ARHGEF26: variants seen among roughly 807,000 people sequenced by gnomAD.
ARHGEF26 encodes the protein Rho guanine nucleotide exchange factor (GEF) 26.
In ARHGEF26, 59 loss-of-function variants were observed where a neutral mutation model predicts 89.4. That is an observed-to-expected ratio of 0.66 (90% CI 0.54 to 0.82). The LOEUF (loss-of-function observed/expected upper bound fraction) is 0.82, where lower values mean the gene tolerates loss of function less well. Among genes scored for constraint, ARHGEF26 ranks in the 40% least tolerant of loss-of-function variants. The pLI is 0.00. For synonymous variants in ARHGEF26, 500 were observed against 428.4 expected (o/e 1.17, Z -2.06); for missense variants, 1,234 against 1,085.6 (o/e 1.14, Z -1.92).
chr3:154,171,946 C>G (rs945088961), intron 6 of ARHGEF26, among the ~76,000 whole-genome samples: 1 of 152,076 alleles, frequency 6.6e-6, no homozygotes. Context: ...TATGTGTGCT[C>G]TAGAAGGCAA....
At chr3:154,199,803 C>T (rs901056501) in intron 9 of ARHGEF26, among the ~76,000 whole-genome samples, 9 of 152,054 alleles carry the variant, frequency 5.9e-5, no homozygotes, top group African/African-American at 2.2e-4. Context: ...ATTTGCATCT[C>T]GCTAATGATC....
rs1304859561 is a variant in ARHGEF26 at position 154,122,805 on chromosome 3, C to G, written c.813C>G (p.Pro271=). The change falls in exon 2 of 15, where the codon CCC becomes CCG. Residue 271 remains proline, a synonymous_variant. Coordinates refer to ENST00000465093, the MANE Select transcript of ARHGEF26 (RefSeq NM_015595.4). ...ISKSNNQNVE[P]HKRLLKVRSM... ...AATCCAACAATCAAAATGTGGAGCC[C>G]CACAAGAGACTCCTCAAGGTGCGCA... The G allele has an allele frequency of 1.2e-6, 2 of 1,611,690 alleles. No individual in the cohort carries two copies. The highest frequency in any genetic ancestry group is 2.7e-5 in the African/African-American group (2 of 74,876).
intron 3 of ARHGEF26, 75 bp from the exon 4 acceptor site, chr3:154,129,499 A>G: frequency 2.0e-6 from 3 of 1,491,734 alleles, no homozygotes; most frequent in Non-Finnish European, 1.8e-6. Flanking sequence ...CATTGGGTAC[A>G]TATGATGTTT....
intron 12 of ARHGEF26, among the ~76,000 whole-genome samples, chr3:154,248,299 C>T (rs1717918014): frequency 6.6e-6 from 1 of 152,152 alleles, no homozygotes; most frequent in African/African-American, 2.4e-5. Context: ...AATTCCTGGG[C>T]CTCCTGATAA....
At chr3:154,220,968 G>C (rs953973011) in intron 10 of ARHGEF26, among the ~76,000 whole-genome samples, 1 of 151,934 alleles carries the variant, frequency 6.6e-6, no homozygotes, top group Admixed American at 6.6e-5. Flanking sequence ...AATGATAAGA[G>C]AAGACCCACT....
chr3:154,246,754 G>A (rs1421926577), intron 12 of ARHGEF26, among the ~76,000 whole-genome samples: 1 of 152,200 alleles, frequency 6.6e-6, no homozygotes, highest in Non-Finnish European at 1.5e-5. Flanking sequence ...TGATATGTAG[G>A]AGGAGATAGA....
At position 154,172,269 on chromosome 3, in the gene ARHGEF26, A is replaced by G. The variant is rs1442873415; in HGVS notation, c.1488-15416A>G. Reference sequence around the variant, plus strand: ...GAAGTGAAAAGTGAAGGGGAGGTAGAGCACTTCAGTAAATGCAGTAGATGC... The same window carrying G: ...GAAGTGAAAAGTGAAGGGGAGGTAGGGCACTTCAGTAAATGCAGTAGATGC... On this transcript the variant is annotated intron_variant, in intron 6 of 14. Transcript: ENST00000465093. Among the ~76,000 whole-genome samples, 3 of 152,246 alleles carry G rather than the reference A, an allele frequency of 2.0e-5. No homozygotes were observed. The East Asian group carries it at 5.8e-4, about 29-fold the overall frequency.
intron 9 of ARHGEF26, among the ~76,000 whole-genome samples, chr3:154,196,295 G>T (rs1415788476): frequency 6.6e-6 from 1 of 152,104 alleles, no homozygotes; most frequent in Non-Finnish European, 1.5e-5. Flanking sequence ...TGTAGGTAGG[G>T]TTAGCTACTG....
At chr3:154,154,111 A>G (rs1720185892) in intron 6 of ARHGEF26, among the ~76,000 whole-genome samples, 1 of 152,156 alleles carries the variant, frequency 6.6e-6, no homozygotes, top group African/African-American at 2.4e-5. Context: ...AGGTACATCC[A>G]TCTATTCATA....
chr3:154,156,156 GAAAC>G (rs897268636), intron 6 of ARHGEF26, among the ~76,000 whole-genome samples: 4 of 151,954 alleles, frequency 2.6e-5, no homozygotes, highest in Non-Finnish European at 1.5e-5. Context: ...AAGGAAATGA[GAAAC>G]AAGCAGTAAG....
chr3:154,155,014 C>G (rs1294221122), intron 6 of ARHGEF26, among the ~76,000 whole-genome samples: 2 of 151,834 alleles, frequency 1.3e-5, no homozygotes, highest in African/African-American at 2.4e-5. Context: ...AGAAATTGTA[C>G]CATTTTGCAG....
At chr3:154,127,655 G>A (rs1206744697) in intron 3 of ARHGEF26, among the ~76,000 whole-genome samples, 6 of 145,340 alleles carry the variant, frequency 4.1e-5, no homozygotes, top group Non-Finnish European at 9.0e-5. Context: ...ATGATAAAAA[G>A]CATGGTATAG....
At chr3:154,155,488 T>G (rs1407553160) in intron 6 of ARHGEF26, among the ~76,000 whole-genome samples, 1 of 152,010 alleles carries the variant, frequency 6.6e-6, no homozygotes, top group Non-Finnish European at 1.5e-5. Flanking sequence ...TTAGAAGCTG[T>G]TAGAGGCATC....
intron 10 of ARHGEF26, among the ~76,000 whole-genome samples, chr3:154,222,408 A>G (rs965358280): frequency 6.6e-6 from 1 of 152,224 alleles, no homozygotes; most frequent in African/African-American, 2.4e-5. Flanking sequence ...AGGCTCCAGA[A>G]CTGACCTGCC....
intron 6 of ARHGEF26, among the ~76,000 whole-genome samples, chr3:154,162,885 C>G (rs1278356115): frequency 1.3e-5 from 2 of 152,122 alleles, no homozygotes; most frequent in Non-Finnish European, 1.5e-5. Context: ...ATATGATAAT[C>G]ATACAAATGC....
intron 3 of ARHGEF26, among the ~76,000 whole-genome samples, chr3:154,127,025 T>C (rs1474802972): frequency 6.6e-6 from 1 of 152,178 alleles, no homozygotes; most frequent in African/African-American, 2.4e-5. Context: ...TATAAAATAT[T>C]AAAAATGGTA....
Position 154,127,156 on chromosome 3 carries a change from A to T in ARHGEF26, c.1124-2418A>T, listed in dbSNP as rs1718381851. Among the ~76,000 whole-genome samples, 3 of 152,334 alleles carry T rather than the reference A, an allele frequency of 2.0e-5. 1 individual carries two copies. The South Asian group carries it at 6.2e-4, about 32-fold the overall frequency. ...AGAACATTACTGTACACTATTGTAG[A>T]CTTTACAAATACTGTACATTTAAGC... On this transcript the variant is annotated intron_variant, in intron 3 of 14. Transcript: ENST00000465093.
chr3:154,121,041 A>G (rs533552574), upstream of ARHGEF26: 1 of 152,370 alleles, frequency 6.6e-6, no homozygotes, highest in Admixed American at 6.5e-5. Context: ...CACAAAGTCT[A>G]CTACGCCGCG....
At chr3:154,141,623 A>G (rs536391861) in intron 4 of ARHGEF26, among the ~76,000 whole-genome samples, 1 of 152,304 alleles carries the variant, frequency 6.6e-6, no homozygotes, top group Non-Finnish European at 1.5e-5. Context: ...CATTGTAACC[A>G]TGGTCTTTAT....
Sources: gnomAD v4.1 joint callset for allele counts (sites outside exome capture counted in the v4.1 genomes callset) on GRCh38, gnomAD v4.1.1 for gene constraint, MANE v1.5 for transcripts, NCBI Gene and HGNC (gene_info 2026-07-23, HGNC 2026-07-21) for gene names.